SNTG2: variants seen among roughly 807,000 people sequenced by gnomAD.
SNTG2 encodes gamma-2-syntrophin.
SNTG2 carries 74 observed loss-of-function variants against 70.9 expected under a neutral mutation model. The observed-to-expected ratio is 1.04, with a 90% CI of 0.86 to 1.27. SNTG2 has a LOEUF of 1.27. SNTG2 is among the 50% of genes most tolerant of loss of function. The pLI, the probability that SNTG2 is intolerant of heterozygous loss-of-function variation, is 0.00. For synonymous variants in SNTG2, 278 were observed against 273.8 expected, an observed-to-expected ratio of 1.02 and a Z score of -0.15; for missense variants, 717 against 690.7, an observed-to-expected ratio of 1.04 and a Z score of -0.43.
chr2:1,325,948 C>G (rs997816809), intron 16 of SNTG2, among the ~76,000 whole-genome samples: 2 of 152,050 alleles, frequency 1.3e-5, no homozygotes, highest in Admixed American at 1.3e-4. Flanking sequence ...ATTCTCTTGC[C>G]TCAGCCTCCT....
intron 14 of SNTG2, among the ~76,000 whole-genome samples, chr2:1,295,889 C>T (rs1280454819): frequency 6.6e-6 from 1 of 151,898 alleles, no homozygotes; most frequent in African/African-American, 2.4e-5. Context: ...ATGGCTTTCA[C>T]TGTAGAAGGC....
chr2:1,229,809 G>GA (rs1272901715), intron 9 of SNTG2, among the ~76,000 whole-genome samples: 1 of 152,244 alleles, frequency 6.6e-6, no homozygotes, highest in Non-Finnish European at 1.5e-5. Flanking sequence ...ACTGCTGGGG[G>GA]ACCCAGTACA....
intron 14 of SNTG2, among the ~76,000 whole-genome samples, chr2:1,302,523 C>A: frequency 1.2e-5 from 1 of 86,518 alleles, no homozygotes; most frequent in Admixed American, 1.2e-4. Flanking sequence ...CAAAAAAATA[C>A]AGATAAATTG....
intron 1 of SNTG2, among the ~76,000 whole-genome samples, chr2:1,048,461 T>TAC (rs926128204): frequency 3.8e-4 from 58 of 151,132 alleles, no homozygotes; most frequent in Non-Finnish European, 1.6e-4. Flanking sequence ...TCTATATATA[T>TAC]ACACACACAT....
chr2:1,270,975 G>A (rs192798799), intron 14 of SNTG2, among the ~76,000 whole-genome samples: 1 of 152,268 alleles, frequency 6.6e-6, no homozygotes, highest in East Asian at 1.9e-4. Flanking sequence ...CACAGGCTCT[G>A]GATCTAAACT....
At chr2:1,120,839 ATAGT>A (rs369651347) in intron 4 of SNTG2, among the ~76,000 whole-genome samples, 115 of 152,310 alleles carry the variant, frequency 7.6e-4, no homozygotes, top group African/African-American at 2.5e-3. Context: ...TCAACAATAG[ATAGT>A]TCAACTAGAC....
At chr2:1,024,530 T>C (rs1660369541) in intron 1 of SNTG2, among the ~76,000 whole-genome samples, 1 of 152,090 alleles carries the variant, frequency 6.6e-6, no homozygotes, top group Non-Finnish European at 1.5e-5. Flanking sequence ...CCACCACACT[T>C]GGACAATTAT....
At chr2:974,226 C>A (rs1015203269) in intron 1 of SNTG2, among the ~76,000 whole-genome samples, 1 of 152,126 alleles carries the variant, frequency 6.6e-6, no homozygotes, top group Non-Finnish European at 1.5e-5. Context: ...AGCCTCACAT[C>A]CTCCGAGGTG....
chr2:1,092,632 G>A (rs1665107529), intron 2 of SNTG2, among the ~76,000 whole-genome samples: 1 of 152,166 alleles, frequency 6.6e-6, no homozygotes, highest in Non-Finnish European at 1.5e-5. Context: ...GAATTGTGAG[G>A]CCCATTCATA....
At chr2:1,310,844 T>C (rs1373814371) in intron 15 of SNTG2, among the ~76,000 whole-genome samples, 1 of 152,134 alleles carries the variant, frequency 6.6e-6, no homozygotes, top group Non-Finnish European at 1.5e-5. Flanking sequence ...TTAAAATAGC[T>C]ATAATTTGTT....
intron 8 of SNTG2, among the ~76,000 whole-genome samples, chr2:1,189,471 C>T (rs1214492574): frequency 6.6e-6 from 1 of 152,020 alleles, no homozygotes; most frequent in Non-Finnish European, 1.5e-5. Flanking sequence ...TCTTCCAGAC[C>T]TTTTATTTGA....
chr2:1,088,937 A>G (rs528159592), intron 2 of SNTG2, among the ~76,000 whole-genome samples: 2 of 152,360 alleles, frequency 1.3e-5, no homozygotes, highest in African/African-American at 2.4e-5. Flanking sequence ...GCGAGGCAGT[A>G]TGATTGGAAC....
At chr2:1,328,823 G>GCACATATACACACATACACATACACA (rs1681864624) in intron 16 of SNTG2, among the ~76,000 whole-genome samples, 1 of 151,342 alleles carries the variant, frequency 6.6e-6, no homozygotes. Flanking sequence ...ACACATGCAC[G>GCACATATACACACATACACATACACA]CACATATACA....
chr2:1,198,192 G>C (rs1054939150), intron 8 of SNTG2, among the ~76,000 whole-genome samples: 30 of 151,914 alleles, frequency 2.0e-4, no homozygotes, highest in African/African-American at 7.2e-4. Context: ...AAAATAAGAA[G>C]AACCTTAGAA....
intron 4 of SNTG2, among the ~76,000 whole-genome samples, chr2:1,115,233 C>A (rs913961548): frequency 6.9e-6 from 1 of 144,006 alleles, no homozygotes; most frequent in Admixed American, 7.0e-5. Context: ...CCCTATAGTT[C>A]TTTGAGGAGA....
rs771114683 is a variant in SNTG2 at position 1,305,813 on chromosome 2, C to T, written c.1285-2681C>T. Among the ~76,000 whole-genome samples the T allele has an allele frequency of 7.9e-5, 12 of 152,236 alleles. No individual in the cohort carries two copies. In the East Asian group the frequency reaches 1.5e-3, roughly 20 times the overall value. On this transcript the variant is annotated intron_variant, in intron 14 of 16. Transcript: ENST00000308624. ...AGCCCCTTTGGAGATTATGCAAATG[C>T]GTTGTGTGCTTATGTGGCCATCTGG...
chr2:1,151,164 G>A (rs564316930), intron 6 of SNTG2, among the ~76,000 whole-genome samples: 2 of 152,246 alleles, frequency 1.3e-5, no homozygotes, highest in African/African-American at 4.8e-5. Flanking sequence ...CACAGTTACT[G>A]TTCCTTCAAT....
chr2:1,153,217 A>G (rs1466095132), intron 6 of SNTG2, among the ~76,000 whole-genome samples: 1 of 152,132 alleles, frequency 6.6e-6, no homozygotes, highest in Non-Finnish European at 1.5e-5. Context: ...CAGGAAACTA[A>G]CATTTATAGC....
chr2:1,360,606 C>G (rs953352792), intron 16 of SNTG2, among the ~76,000 whole-genome samples: 3 of 151,908 alleles, frequency 2.0e-5, no homozygotes, highest in Admixed American at 2.0e-4. Context: ...CTAAAAGAGG[C>G]TACTCTAGTG....
Sources: gnomAD v4.1 joint callset for allele counts (sites outside exome capture counted in the v4.1 genomes callset) on GRCh38, gnomAD v4.1.1 for gene constraint, MANE v1.5 for transcripts, NCBI Gene and HGNC (gene_info 2026-07-23, HGNC 2026-07-21) for gene names.